Variants in FSD2 observed in about 807,000 individuals in gnomAD.
FSD2 encodes fibronectin type III and SPRY domain containing 2.
Under a neutral mutation model 80.4 loss-of-function variants are expected in FSD2, and 71 were observed. The observed-to-expected ratio is 0.88, with a 90% CI of 0.73 to 1.08. The LOEUF (loss-of-function observed/expected upper bound fraction) is 1.08. Among genes scored for constraint, FSD2 ranks in the 50% least tolerant of loss-of-function variants. FSD2 has a pLI of 0.00. For missense variants in FSD2, 923 were observed against 913.8 expected (o/e 1.01, Z -0.13); for synonymous variants, 361 against 329.5 (o/e 1.10, Z -1.03).
chr15:82,777,833 C>G (rs1275989178), intron 6 of FSD2, among the ~76,000 whole-genome samples: 1 of 141,914 alleles, frequency 7.0e-6, no homozygotes, highest in African/African-American at 2.6e-5. Context: ...GGTGACAGAG[C>G]AAGACTCTTT....
At position 82,783,067 on chromosome 15, in the gene FSD2, G is replaced by A. The variant is rs199711968; in HGVS notation, c.736-42C>T. On this transcript the variant is annotated intron_variant, in intron 3 of 12. Coordinates refer to ENST00000334574, the MANE Select transcript of FSD2 (RefSeq NM_001007122.4). ...CTCAGTCATCATTTCAGCGCATGTA[G>A]TGTGTTGATTAGAGTCTTTTGTTTT... 3.6e-6 allele frequency: 5 copies of A among 1,373,078 alleles called. No individual in the cohort carries two copies. In the East Asian group the frequency reaches 1.1e-4, roughly 31 times the overall value. The allele number at this position is 1,373,078 out of a possible 1,614,324, so 85.1% of individuals were successfully genotyped here.
intron 12 of FSD2, among the ~76,000 whole-genome samples, chr15:82,760,451 A>G (rs1324928197): frequency 1.3e-5 from 2 of 152,176 alleles, no homozygotes; most frequent in East Asian, 1.9e-4. Flanking sequence ...TGCTACCTAC[A>G]GATATTTGAA....
At chr15:82,797,612 C>T (rs950920339) in intron 1 of FSD2, among the ~76,000 whole-genome samples, 35 of 152,234 alleles carry the variant, frequency 2.3e-4, no homozygotes, top group African/African-American at 8.2e-4. Flanking sequence ...AGATCGAAAC[C>T]GTCCTGGCTA....
At chr15:82,761,342 TCGTGA>T (rs1469671770) in intron 12 of FSD2, among the ~76,000 whole-genome samples, 1 of 152,230 alleles carries the variant, frequency 6.6e-6, no homozygotes, top group Non-Finnish European at 1.5e-5. Flanking sequence ...GGCCTGGGCT[TCGTGA>T]GACTTTTTTT....
At chr15:82,802,131 G>A (rs1425182992) in intron 1 of FSD2, among the ~76,000 whole-genome samples, 2 of 152,180 alleles carry the variant, frequency 1.3e-5, no homozygotes, top group East Asian at 1.9e-4. Flanking sequence ...CCTCACTAAT[G>A]CAGCCTGTAC....
chr15:82,787,134 A>T lies in FSD2; in HGVS notation c.257T>A (p.Leu86Ter). ...GTTTTCATCAACAAACTCATCCCCTAATTCATGATCATCTTCAAGTCCATA... is the reference window on the plus strand; with the variant it reads ...GTTTTCATCAACAAACTCATCCCCTTATTCATGATCATCTTCAAGTCCATA... ...HLYGLEDDHE[L>*]GDEFVDENIP... is the part of the protein sequence containing the mutation. Residue 86 changes from leucine (L) to a stop codon, truncating the protein, a stop_gained, in exon 2 of 13, where the codon TTA becomes TAA. Transcript: ENST00000334574. LOFTEE classifies it high-confidence loss of function. 6.2e-7 allele frequency: 1 copy of T among 1,613,998 alleles called. No individual in the cohort carries two copies.
rs1415403387 is a variant in FSD2, at chr15:82,782,797, T to C, written c.964A>G (p.Lys322Glu). ...TTTCATTTTGTTTCATTACTGACCT[T>C]TATGAAATCCACCTTCTCCTCGTGA... ...MCHEEKVDFI[K>E]DAVAMADRLG... is the part of the protein sequence containing the mutation. Residue 322 changes from lysine (K) to glutamate (E), a missense_variant and splice_region_variant, in exon 4 of 13, where the codon AAG becomes GAG. Physicochemically the swap from Lys to Glu is moderately conservative, Grantham distance 56. Coordinates refer to ENST00000334574, the MANE Select transcript of FSD2 (RefSeq NM_001007122.4). The C allele has an allele frequency of 6.3e-7, 1 of 1,599,502 alleles. No homozygotes were observed. The highest frequency in any genetic ancestry group is 8.5e-7 in the Non-Finnish European group (1 of 1,172,256).
intron 1 of FSD2, among the ~76,000 whole-genome samples, chr15:82,800,901 C>T (rs2050397572): frequency 6.6e-6 from 1 of 152,042 alleles, no homozygotes; most frequent in African/African-American, 2.4e-5. Context: ...TGCTAAAAAT[C>T]ACCCCTGGGG....
Position 82,769,781 on chromosome 15 carries a change from G to T in FSD2, c.1371C>A (p.Ser457Arg), listed in dbSNP as rs374072154. 2.0e-5 allele frequency: 32 copies of T among 1,613,838 alleles called. No individual in the cohort carries two copies. Among genetic ancestry groups the T allele is most frequent in the Non-Finnish European group, 2.6e-5 (31 of 1,179,882 alleles). ...TGTACACTGCACGCTCGCTAGAGGGGCTGGGGCCAGCCCTGTTGTGAGCTG... is the reference window on the plus strand; with the variant it reads ...TGTACACTGCACGCTCGCTAGAGGGTCTGGGGCCAGCCCTGTTGTGAGCTG... ...WVTAHNRAGP[S>R]PSSERAVYMT... The change falls in exon 8 of 13, where the codon AGC (serine) becomes AGA (arginine). Residue 457 changes from serine to arginine, a missense_variant. Physicochemically the swap from Ser to Arg is moderately radical, Grantham distance 110. Coordinates refer to ENST00000334574, the MANE Select transcript of FSD2 (RefSeq NM_001007122.4).
intron 3 of FSD2, among the ~76,000 whole-genome samples, chr15:82,785,967 C>T (rs974786978): frequency 6.6e-6 from 1 of 152,150 alleles, no homozygotes; most frequent in Non-Finnish European, 1.5e-5. Flanking sequence ...GTCCCCTCTT[C>T]ACCACCTGGG....
At chr15:82,788,942 G>A (rs1226268423) in intron 1 of FSD2, among the ~76,000 whole-genome samples, 1 of 150,448 alleles carries the variant, frequency 6.6e-6, no homozygotes, top group Non-Finnish European at 1.5e-5. Flanking sequence ...TTGCGCCAGT[G>A]TACTCCAGCC....
Position 82,765,329 on chromosome 15 carries a change from C to T in FSD2, c.1688-31G>A, listed in dbSNP as rs768650812. On this transcript the variant is annotated intron_variant, in intron 10 of 12. Transcript: ENST00000334574. ...GGAGGAGGAACACACAGAAGACCCGCAGCCAATCACTTGCTTTCTCCATGT... is the reference window on the plus strand; with the variant it reads ...GGAGGAGGAACACACAGAAGACCCGTAGCCAATCACTTGCTTTCTCCATGT... 6.2e-6 allele frequency: 10 copies of T among 1,612,388 alleles called. No homozygotes were observed. In the South Asian group the frequency reaches 1.1e-4, roughly 18 times the overall value.
At chr15:82,776,586 C>A (rs2379991) in intron 6 of FSD2, among the ~76,000 whole-genome samples, 1 of 151,896 alleles carries the variant, frequency 6.6e-6, no homozygotes, top group African/African-American at 2.4e-5. Flanking sequence ...GAAATTGAAG[C>A]AGACACAAAA....
chr15:82,786,163 G>A (rs779580213), intron 3 of FSD2, among the ~76,000 whole-genome samples: 33 of 152,040 alleles, frequency 2.2e-4, no homozygotes, highest in Non-Finnish European at 4.6e-4. Flanking sequence ...TGAAGGAGAG[G>A]GATTGTGATT....
chr15:82,791,464 G>C (rs1033506626), intron 1 of FSD2, among the ~76,000 whole-genome samples: 2 of 151,972 alleles, frequency 1.3e-5, no homozygotes, highest in East Asian at 3.9e-4. Flanking sequence ...TCTGCCTCCC[G>C]GGCTCAGGTG....
chr15:82,792,332 C>T (rs903121366), intron 1 of FSD2, among the ~76,000 whole-genome samples: 2 of 152,186 alleles, frequency 1.3e-5, no homozygotes, highest in Admixed American at 1.3e-4. Context: ...AATGGTATCT[C>T]ATTGTGGTTT....
intron 1 of FSD2, among the ~76,000 whole-genome samples, chr15:82,789,350 A>G (rs1455943285): frequency 7.5e-6 from 1 of 133,646 alleles, no homozygotes; most frequent in Non-Finnish European, 1.6e-5. Context: ...AAAGTCTAGA[A>G]GGATATAATA....
intron 11 of FSD2, among the ~76,000 whole-genome samples, chr15:82,764,160 C>T (rs2151488035): frequency 6.6e-6 from 1 of 152,272 alleles, no homozygotes; most frequent in South Asian, 2.1e-4. Flanking sequence ...GGTCTGGGGG[C>T]AGGGAACCTA....
chr15:82,797,828 T>A (rs920981126), intron 1 of FSD2, among the ~76,000 whole-genome samples: 34 of 151,628 alleles, frequency 2.2e-4, no homozygotes, highest in African/African-American at 5.3e-4. Context: ...CAATAATAAT[T>A]ATTATTATTT....
Sources: gnomAD v4.1 joint callset for allele counts (sites outside exome capture counted in the v4.1 genomes callset) on GRCh38, gnomAD v4.1.1 for gene constraint, MANE v1.5 for transcripts, NCBI Gene and HGNC (gene_info 2026-07-23, HGNC 2026-07-21) for gene names.